Variants in UPP2 observed in about 807,000 individuals in gnomAD.
UPP2 encodes the protein UPase 2.
Under a neutral mutation model 26.7 loss-of-function variants are expected in UPP2, and 23 were observed. The observed-to-expected ratio is 0.86, with a 90% confidence interval of 0.62 to 1.22. The LOEUF is 1.22. Among genes scored for constraint, UPP2 ranks in the 50% most tolerant of loss-of-function variants. The pLI is 0.00. For missense variants in UPP2, 387 were observed against 396.7 expected (o/e 0.98, Z 0.21); for synonymous variants, 127 against 141.3 (o/e 0.90, Z 0.72).
chr2:158,094,365 T>C (rs925593068), intron 3 of UPP2, among the ~76,000 whole-genome samples: 10 of 152,194 alleles, frequency 6.6e-5, no homozygotes, highest in Non-Finnish European at 7.3e-5. Context: ...ATTTTAACTA[T>C]AGTAACTAAC....
chr2:158,113,627 A>G (rs1683363581), intron 2 of UPP2, among the ~76,000 whole-genome samples: 1 of 152,210 alleles, frequency 6.6e-6, no homozygotes, highest in Non-Finnish European at 1.5e-5. Context: ...TGCTAAATGG[A>G]AACAAGATGC....
At chr2:158,132,069 T>A (rs1029617635) in intron 6 of UPP2, among the ~76,000 whole-genome samples, 1 of 152,226 alleles carries the variant, frequency 6.6e-6, no homozygotes, top group Admixed American at 6.5e-5. Flanking sequence ...TGCCAGCCCA[T>A]GTCAGGCTTC....
intron 2 of UPP2, among the ~76,000 whole-genome samples, chr2:158,009,065 T>C (rs1173888686): frequency 6.6e-6 from 1 of 152,208 alleles, no homozygotes; most frequent in East Asian, 1.9e-4. Context: ...TGAAATGCTT[T>C]GATATTGCAA....
In UPP2 at chr2:158,000,246, T is replaced by G. The variant is rs564365224; in HGVS notation, c.61+4987T>G. Among the ~76,000 whole-genome samples, 16 of 152,186 alleles carry G rather than the reference T, an allele frequency of 1.1e-4. No homozygotes were observed. In the East Asian group the frequency reaches 3.1e-3, roughly 29 times the overall value. On this transcript the variant is annotated intron_variant, in intron 2 of 9. Transcript: ENST00000605860. ...GATTGCTCTACCTGCTCCTTCTGAG[T>G]GGCTCTTTTTCCTGCTTTTGGTAGT...
intron 3 of UPP2, among the ~76,000 whole-genome samples, chr2:158,034,775 C>T (rs1007862046): frequency 6.6e-6 from 1 of 152,198 alleles, no homozygotes; most frequent in Non-Finnish European, 1.5e-5. Flanking sequence ...CTGGCTTTAT[C>T]TCAGGGGCAG....
At chr2:158,089,081 C>T (rs1020919840) in intron 3 of UPP2, among the ~76,000 whole-genome samples, 3 of 151,964 alleles carry the variant, frequency 2.0e-5, no homozygotes, top group Non-Finnish European at 2.9e-5. Flanking sequence ...GCTACCAGAG[C>T]GGGTAGAGAA....
At chr2:158,070,685 C>T (rs1574274262) in intron 3 of UPP2, among the ~76,000 whole-genome samples, 1 of 150,198 alleles carries the variant, frequency 6.7e-6, no homozygotes, top group Non-Finnish European at 1.5e-5. Context: ...TAACTACAAA[C>T]AAAAATGCAC....
At chr2:158,016,065 G>C (rs1281193955) in intron 3 of UPP2, among the ~76,000 whole-genome samples, 1 of 150,678 alleles carries the variant, frequency 6.6e-6, no homozygotes, top group Non-Finnish European at 1.5e-5. Context: ...GCCCCATTTT[G>C]TAATGCCACC....
chr2:158,128,833 G>A (rs1356382250), intron 6 of UPP2, among the ~76,000 whole-genome samples: 1 of 151,138 alleles, frequency 6.6e-6, no homozygotes, highest in South Asian at 2.1e-4. Flanking sequence ...AACCCTAAGG[G>A]CTGAGCACAT....
chr2:158,033,724 A>G (rs1683959770), intron 3 of UPP2, among the ~76,000 whole-genome samples: 1 of 152,198 alleles, frequency 6.6e-6, no homozygotes, highest in Non-Finnish European at 1.5e-5. Context: ...TTTTCCAAGT[A>G]GTTTCTGTTA....
chr2:158,114,844 C>T (rs1056854604), intron 2 of UPP2, among the ~76,000 whole-genome samples: 2 of 152,200 alleles, frequency 1.3e-5, no homozygotes, highest in South Asian at 2.1e-4. Flanking sequence ...CACCAGGAAA[C>T]ACCTCCTTGA....
At chr2:158,066,520 A>G (rs1053682377) in intron 3 of UPP2, among the ~76,000 whole-genome samples, 71 of 152,308 alleles carry the variant, frequency 4.7e-4, no homozygotes, top group African/African-American at 1.6e-3. Context: ...TATTCCTTCA[A>G]TCATTTCAAA....
chr2:158,129,551 A>G (rs1204404555), intron 6 of UPP2, among the ~76,000 whole-genome samples: 3 of 152,028 alleles, frequency 2.0e-5, no homozygotes, highest in Non-Finnish European at 2.9e-5. Flanking sequence ...TAGAATAGAC[A>G]TCTCCTGTCT....
At chr2:158,077,300 C>G (rs1296620613) in intron 3 of UPP2, among the ~76,000 whole-genome samples, 1 of 151,796 alleles carries the variant, frequency 6.6e-6, no homozygotes, top group East Asian at 1.9e-4. Flanking sequence ...AATCCTAGAA[C>G]TTATATGAAA....
chr2:158,105,710 C>A (rs1288587295), intron 1 of UPP2, among the ~76,000 whole-genome samples: 2 of 152,196 alleles, frequency 1.3e-5, no homozygotes, highest in Non-Finnish European at 2.9e-5. Flanking sequence ...CACAGCCTCC[C>A]ATGCAAAGAA....
chr2:158,023,234 G>GC lies in UPP2; in HGVS notation c.147+7348_147+7349insC, dbSNP rs904441599. ...GGTCATGGGGTTGCTGTCAGTTGGG[G>GC]GGGGGCATTTGGAAGGCTTTCAGTC... is the stretch of plus-strand genomic sequence containing the variant. On this transcript the variant is annotated intron_variant, in intron 3 of 9. Coordinates refer to the UPP2 transcript ENST00000605860. Among the ~76,000 whole-genome samples the GC allele has an allele frequency of 3.9e-4, 57 of 145,870 alleles. 1 individual carries two copies. The highest frequency in any genetic ancestry group is 1.3e-3 in the African/African-American group (53 of 40,706).
rs572514742 is a variant in UPP2, at chr2:158,032,300, G to A, written c.147+16414G>A. On this transcript the variant is annotated intron_variant, in intron 3 of 9. Coordinates refer to the UPP2 transcript ENST00000605860. ...TCCTGTCACCAGAAATGTTCATGGC[G>A]AGACTGGGGAAACATCTTTCAGGGA... Among the ~76,000 whole-genome samples the A allele has an allele frequency of 6.6e-5, 10 of 152,258 alleles. 1 individual carries two copies. In the South Asian group the frequency reaches 1.2e-3, roughly 19 times the overall value.
chr2:158,072,633 G>A (rs1414471677), intron 3 of UPP2, among the ~76,000 whole-genome samples: 1 of 145,438 alleles, frequency 6.9e-6, no homozygotes. Context: ...TCAGCACACA[G>A]AGAGAAAGAG....
intron 1 of UPP2, among the ~76,000 whole-genome samples, chr2:158,104,998 AGGGG>A (rs1558932207): frequency 0.073 from 146 of 2,012 alleles, 10 homozygotes; most frequent in South Asian, 0.12. Context: ...AAGGGAAGGG[AGGGG>A]AGGGGAGGGG....
Sources: allele counts gnomAD v4.1 joint callset (sites outside exome capture counted in the v4.1 genomes callset), GRCh38; gene constraint gnomAD v4.1.1; transcripts MANE v1.5; gene names NCBI Gene and HGNC (gene_info 2026-07-23, HGNC 2026-07-21).